CSMD3: variants seen among roughly 807,000 people sequenced by gnomAD.
CSMD3 encodes the protein CUB and sushi domain-containing protein 3.
Under a neutral mutation model 435.2 loss-of-function variants are expected in CSMD3, and 177 were observed. That is an observed-to-expected ratio of 0.41 (90% CI 0.36 to 0.46). The LOEUF is 0.46. Among genes scored for constraint, CSMD3 ranks in the 20% least tolerant of loss-of-function variants. The pLI is 0.34. For synonymous variants in CSMD3, 1,656 were observed against 1,520.5 expected (o/e 1.09, Z -2.07); for missense variants, 4,265 against 4,504.6 (o/e 0.95, Z 1.52).
At chr8:112,738,272 A>T (rs1327991474) in intron 13 of CSMD3, among the ~76,000 whole-genome samples, 1 of 151,834 alleles carries the variant, frequency 6.6e-6, no homozygotes, top group African/African-American at 2.4e-5. Flanking sequence ...GATTGATTAA[A>T]TAATCCTTTC....
At chr8:112,424,242 G>A (rs527693242) in intron 32 of CSMD3, among the ~76,000 whole-genome samples, 46 of 152,060 alleles carry the variant, frequency 3.0e-4, no homozygotes, top group Non-Finnish European at 4.6e-4. Flanking sequence ...TTTAAGATAT[G>A]ATTGCAAAAA....
At chr8:113,083,606 A>G (rs1056507571) in intron 5 of CSMD3, among the ~76,000 whole-genome samples, 1 of 152,156 alleles carries the variant, frequency 6.6e-6, no homozygotes, top group Non-Finnish European at 1.5e-5. Context: ...TACAAATGAG[A>G]AAAAATATAA....
intron 11 of CSMD3, among the ~76,000 whole-genome samples, chr8:112,833,281 C>T (rs1400864538): frequency 1.3e-5 from 2 of 152,038 alleles, no homozygotes; most frequent in African/African-American, 2.4e-5. Context: ...TCCCTACACA[C>T]AAGCCTGACT....
At chr8:112,346,668 C>CTTTTTT (rs1563820913) in intron 40 of CSMD3, among the ~76,000 whole-genome samples, 29 of 129,220 alleles carry the variant, frequency 2.2e-4, no homozygotes, top group African/African-American at 9.7e-4. Flanking sequence ...CCCTCCTTTT[C>CTTTTTT]CTTTTTTTTT....
Position 112,616,708 on chromosome 8 carries a change from G to A in CSMD3, c.3715+20109C>T, listed in dbSNP as rs192333392. Among the ~76,000 whole-genome samples the A allele has an allele frequency of 3.4e-4, 51 of 152,202 alleles. 1 individual carries two copies. The South Asian group carries it at 3.5e-3, about 11-fold the overall frequency. On this transcript the variant is annotated intron_variant, in intron 22 of 70. Transcript: ENST00000297405. Reference sequence around the variant, plus strand: ...GTTCCCTGAATTCTTTGTCCCCTGGGATGACACCAAACAGGCCAGATGGCA... The same window carrying A: ...GTTCCCTGAATTCTTTGTCCCCTGGAATGACACCAAACAGGCCAGATGGCA...
chr8:113,407,079 A>G (rs1043782901), intron 1 of CSMD3, among the ~76,000 whole-genome samples: 18 of 152,188 alleles, frequency 1.2e-4, no homozygotes, highest in Admixed American at 1.2e-3. Flanking sequence ...AAAATTTAGT[A>G]AGAACTATAC....
chr8:112,414,994 G>T (rs1316088051), intron 32 of CSMD3, among the ~76,000 whole-genome samples: 2 of 152,204 alleles, frequency 1.3e-5, no homozygotes, highest in African/African-American at 4.8e-5. Context: ...TGGAGAATTT[G>T]CAGCCTGACC....
At chr8:112,352,740 A>C (rs1221476717) in intron 38 of CSMD3, among the ~76,000 whole-genome samples, 2 of 152,164 alleles carry the variant, frequency 1.3e-5, no homozygotes, top group Non-Finnish European at 2.9e-5. Context: ...ATACAATTTT[A>C]ATTTTTATGG....
intron 4 of CSMD3, among the ~76,000 whole-genome samples, chr8:113,163,934 G>C (rs578015418): frequency 6.6e-6 from 1 of 151,962 alleles, no homozygotes; most frequent in East Asian, 1.9e-4. Flanking sequence ...TACTAATATT[G>C]TAGATAATGT....
intron 32 of CSMD3, among the ~76,000 whole-genome samples, chr8:112,438,520 T>C (rs1463178738): frequency 6.6e-6 from 1 of 152,226 alleles, no homozygotes; most frequent in Non-Finnish European, 1.5e-5. Flanking sequence ...TTTCTGACTT[T>C]GTCTTGGATT....
At chr8:112,467,305 C>T (rs1026417427) in intron 32 of CSMD3, among the ~76,000 whole-genome samples, 2 of 152,110 alleles carry the variant, frequency 1.3e-5, no homozygotes, top group African/African-American at 4.8e-5. Flanking sequence ...AAAGAATAAG[C>T]TCTGTACACT....
In CSMD3 at chr8:113,098,542, T is replaced by G. The variant is rs1027414153; in HGVS notation, c.917+214A>C. The G allele has an allele frequency of 5.4e-6, 3 of 559,358 alleles. No individual in the cohort carries two copies. In the African/African-American group the frequency reaches 5.7e-5, roughly 11 times the overall value. The allele number at this position is 559,358 out of a possible 1,614,324, so 34.6% of individuals were successfully genotyped here. On this transcript the variant is annotated intron_variant, in intron 5 of 70. Transcript: ENST00000297405. ...ACTGTAGATTACAATAGGAATAACT[T>G]TTATTTGTTTATACAAGTTTTGAAT...
intron 2 of CSMD3, among the ~76,000 whole-genome samples, chr8:113,283,371 C>T (rs971089102): frequency 6.6e-6 from 1 of 151,798 alleles, no homozygotes; most frequent in East Asian, 1.9e-4. Flanking sequence ...CTGTAACCAA[C>T]TCAAATCAGT....
intron 10 of CSMD3, among the ~76,000 whole-genome samples, chr8:112,894,533 T>G (rs891895842): frequency 1.3e-5 from 2 of 151,432 alleles, no homozygotes; most frequent in Non-Finnish European, 3.0e-5. Context: ...TGTTTAAGTC[T>G]CATCTCAATA....
At chr8:113,328,927 G>C (rs886376797) in intron 1 of CSMD3, among the ~76,000 whole-genome samples, 23 of 149,966 alleles carry the variant, frequency 1.5e-4, no homozygotes, top group African/African-American at 4.6e-4. Flanking sequence ...TTTTTTGTAG[G>C]GATGGAATTT....
chr8:112,684,955 T>C (rs866787289), intron 15 of CSMD3, among the ~76,000 whole-genome samples: 25 of 152,138 alleles, frequency 1.6e-4, no homozygotes, highest in Admixed American at 1.5e-3. Context: ...ACTGTAGCCA[T>C]GTGATTTTTT....
At chr8:113,003,758 T>C (rs553864347) in intron 6 of CSMD3, among the ~76,000 whole-genome samples, 11 of 152,120 alleles carry the variant, frequency 7.2e-5, no homozygotes, top group East Asian at 1.9e-4. Context: ...TGCAGAAACA[T>C]GATTCTACGA....
intron 1 of CSMD3, among the ~76,000 whole-genome samples, chr8:113,400,347 CT>C (rs1011474137): frequency 6.6e-6 from 1 of 151,960 alleles, no homozygotes; most frequent in African/African-American, 2.4e-5. Context: ...CCACCTCCCC[CT>C]GCCCCATCCC....
chr8:112,240,734 T>G (rs955281615), intron 66 of CSMD3, among the ~76,000 whole-genome samples: 1 of 152,152 alleles, frequency 6.6e-6, no homozygotes, highest in Non-Finnish European at 1.5e-5. Flanking sequence ...AAATCTCAAC[T>G]TGAATTGTAC....
Sources: gnomAD v4.1 joint callset for allele counts (sites outside exome capture counted in the v4.1 genomes callset) on GRCh38, gnomAD v4.1.1 for gene constraint, MANE v1.5 for transcripts, NCBI Gene and HGNC (gene_info 2026-07-23, HGNC 2026-07-21) for gene names.